The following STX17 variants were observed in gnomAD, a reference collection of about 807,000 sequenced individuals.
The protein encoded by STX17 is syntaxin-17.
Under a neutral mutation model 35.9 loss-of-function variants are expected in STX17, and 29 were observed. The ratio of observed to expected loss-of-function variants is 0.81; its 90% CI spans 0.60 to 1.10. STX17 has a LOEUF of 1.10. Ranked by LOEUF, STX17 falls within the 50% of genes least tolerant of loss-of-function variation. The probability of loss-of-function intolerance (pLI) is 0.00; values close to 1 mark genes in which losing one functional copy is unlikely to be tolerated. For missense variants in STX17, 312 were observed against 352.3 expected (o/e 0.89, Z 0.92); for synonymous variants, 92 against 118.3 (o/e 0.78, Z 1.44).
At chr9:99,937,812 G>A (rs957140407) in intron 3 of STX17, 4 of 152,044 alleles carry the variant, frequency 2.6e-5, no homozygotes, top group East Asian at 1.9e-4. Flanking sequence ...ACTTTGGTAG[G>A]TGCTGGATAT....
chr9:99,933,232 A>G (rs1464786191), intron 3 of STX17, among the ~76,000 whole-genome samples: 1 of 152,142 alleles, frequency 6.6e-6, no homozygotes, highest in African/African-American at 2.4e-5. Flanking sequence ...AATTCCAAAG[A>G]TGCATGTAAC....
rs917269828 is a variant in STX17 at position 99,949,854 on chromosome 9, A to C, written c.190-1206A>C. 6.6e-5 allele frequency among the ~76,000 whole-genome samples: 10 copies of C among 151,950 alleles called. No homozygotes were observed. The East Asian group carries it at 1.9e-3, about 29-fold the overall frequency. On this transcript the variant is annotated intron_variant, in intron 3 of 7. Coordinates refer to ENST00000259400, the MANE Select transcript of STX17 (RefSeq NM_017919.3). Reference sequence around the variant, plus strand: ...GGAAAGCTCCCCAGTATATTTTATGAAGTTAGCACAACCTTAAACCTGTTA... The same window carrying C: ...GGAAAGCTCCCCAGTATATTTTATGCAGTTAGCACAACCTTAAACCTGTTA...
intron 4 of STX17, among the ~76,000 whole-genome samples, chr9:99,958,199 G>C (rs1829752914): frequency 6.6e-6 from 1 of 152,074 alleles, no homozygotes; most frequent in Non-Finnish European, 1.5e-5. Context: ...TCTCTGACCT[G>C]AATACTCTTT....
At chr9:99,917,647 T>G (rs114029933) in intron 2 of STX17, among the ~76,000 whole-genome samples, 124 of 152,354 alleles carry the variant, frequency 8.1e-4, no homozygotes, top group African/African-American at 2.9e-3. Context: ...TAAACTTGAT[T>G]AGAATGTAAT....
At chr9:99,937,418 A>C (rs1829258946) in intron 3 of STX17, among the ~76,000 whole-genome samples, 3 of 152,190 alleles carry the variant, frequency 2.0e-5, no homozygotes, top group African/African-American at 7.2e-5. Flanking sequence ...GTGATAGCTC[A>C]CTGATGCTCT....
chr9:99,912,150 C>T (rs894375747), intron 1 of STX17, among the ~76,000 whole-genome samples: 116 of 152,078 alleles, frequency 7.6e-4, no homozygotes, highest in African/African-American at 2.7e-3. Flanking sequence ...TGCTTGAACC[C>T]GGGAGGCAGA....
intron 4 of STX17, chr9:99,953,910 A>G (rs1392645316): frequency 6.6e-6 from 1 of 152,044 alleles, no homozygotes; most frequent in African/African-American, 2.4e-5. Context: ...CTTTGGGCTT[A>G]TATGTCATCA....
intron 4 of STX17, among the ~76,000 whole-genome samples, chr9:99,952,951 A>G (rs1483647678): frequency 1.3e-5 from 2 of 151,984 alleles, no homozygotes; most frequent in South Asian, 2.1e-4. Context: ...TGGGTGCAGC[A>G]CACCAGCATG....
intron 3 of STX17, among the ~76,000 whole-genome samples, chr9:99,931,692 C>T (rs917508682): frequency 2.6e-5 from 4 of 152,140 alleles, no homozygotes; most frequent in Non-Finnish European, 5.9e-5. Context: ...AAAAATTTGG[C>T]AGTCCCTGTT....
rs1036383455 is a variant in STX17 at position 99,924,240 on chromosome 9, G to A, written c.124-4538G>A. On this transcript the variant is annotated intron_variant, in intron 2 of 7. Coordinates refer to ENST00000259400, the MANE Select transcript of STX17 (RefSeq NM_017919.3). ...TTAGAGTCCCGCCATTGGCAGGTTC[G>A]GAGGGCAGGAGGTCAGAGAGAGATT... Among the ~76,000 whole-genome samples the A allele has an allele frequency of 6.6e-5, 10 of 152,124 alleles. No homozygotes were observed. The South Asian group carries it at 1.5e-3, about 22-fold the overall frequency.
rs1830033219 is a variant in STX17, at chr9:99,972,381, G to T, written c.*3708G>T. Among the ~76,000 whole-genome samples, 1 of 152,190 alleles carries T rather than the reference G, an allele frequency of 6.6e-6. No individual in the cohort carries two copies. The highest frequency in any genetic ancestry group is 2.4e-5 in the African/African-American group (1 of 41,444). ...GAAATCATGTACTTACTGTAGTGAT[G>T]CTAGTATTAATATTACTTAGACCAA... On this transcript the variant is annotated 3_prime_UTR_variant, in exon 8 of 8. Coordinates refer to ENST00000259400, the MANE Select transcript of STX17 (RefSeq NM_017919.3).
At chr9:99,950,097 A>G (rs561114437) in intron 3 of STX17, among the ~76,000 whole-genome samples, 8 of 152,108 alleles carry the variant, frequency 5.3e-5, no homozygotes, top group African/African-American at 1.9e-4. Context: ...AAATCTGTAC[A>G]TAATTCATTA....
At chr9:99,936,962 G>A (rs1290682448) in intron 3 of STX17, among the ~76,000 whole-genome samples, 1 of 152,050 alleles carries the variant, frequency 6.6e-6, no homozygotes, top group Non-Finnish European at 1.5e-5. Context: ...GTGTGATTCT[G>A]CTGTGACGAA....
chr9:99,961,585 G>A (rs986772708), intron 6 of STX17, among the ~76,000 whole-genome samples: 2 of 152,108 alleles, frequency 1.3e-5, no homozygotes, highest in Non-Finnish European at 2.9e-5. Context: ...ATGAATACGT[G>A]TGTATGTATA....
At chr9:99,929,058 G>A (rs1300421480) in intron 3 of STX17, 2 of 458,894 alleles carry the variant, frequency 4.4e-6, no homozygotes, top group Non-Finnish European at 7.8e-6. Flanking sequence ...ATGATACACA[G>A]ACTTATACTC....
At chr9:99,931,207 TTGACCTTG>T (rs1829114460) in intron 3 of STX17, among the ~76,000 whole-genome samples, 1 of 152,054 alleles carries the variant, frequency 6.6e-6, no homozygotes, top group Non-Finnish European at 1.5e-5. Context: ...TCTCAATCTC[TTGACCTTG>T]TGATCTGCCC....
At chr9:99,932,160 G>A (rs1326981657) in intron 3 of STX17, among the ~76,000 whole-genome samples, 2 of 152,128 alleles carry the variant, frequency 1.3e-5, no homozygotes, top group Non-Finnish European at 2.9e-5. Context: ...TGTACCTGGT[G>A]TTTCTGAATC....
rs551542460 is a variant in STX17 at position 99,972,977 on chromosome 9, C to T, written c.*4304C>T. 7.2e-5 allele frequency among the ~76,000 whole-genome samples: 11 copies of T among 152,202 alleles called. No homozygotes were observed. In the South Asian group the frequency reaches 2.3e-3, roughly 32 times the overall value. On this transcript the variant is annotated 3_prime_UTR_variant, in exon 8 of 8. Transcript: ENST00000259400. ...GGCCTAATAAAAGGCAGGGGAGTTTCTCTTCTAGCCTAAATTAATATTAAA... is the reference window on the plus strand; with the variant it reads ...GGCCTAATAAAAGGCAGGGGAGTTTTTCTTCTAGCCTAAATTAATATTAAA...
At chr9:99,919,658 TTGAATCTGCCA>T (rs1237663597) in intron 2 of STX17, among the ~76,000 whole-genome samples, 4 of 152,218 alleles carry the variant, frequency 2.6e-5, no homozygotes, top group African/African-American at 9.6e-5. Flanking sequence ...AATATTTGTG[TTGAATCTGCCA>T]GGTTTAATGA....
Sources: gnomAD v4.1 joint callset for allele counts (sites outside exome capture counted in the v4.1 genomes callset) on GRCh38, gnomAD v4.1.1 for gene constraint, MANE v1.5 for transcripts, NCBI Gene and HGNC (gene_info 2026-07-23, HGNC 2026-07-21) for gene names.